DACH2: variants seen among roughly 807,000 people sequenced by gnomAD.
The protein encoded by DACH2 is dachshund homolog 2.
Under a neutral mutation model 35.8 loss-of-function variants are expected in DACH2, and 17 were observed. That is an observed-to-expected ratio of 0.48 (90% CI 0.33 to 0.71). DACH2 has a LOEUF of 0.71. DACH2 is among the 30% of genes least tolerant of loss of function. The probability of loss-of-function intolerance (pLI) is 0.02; values close to 1 mark genes in which losing one functional copy is unlikely to be tolerated. For missense variants in DACH2, 469 were observed against 472.7 expected (o/e 0.99, Z 0.07); for synonymous variants, 195 against 177.3 (o/e 1.10, Z -0.79).
At chrX:86,230,187 G>T (rs1045294269) in intron 1 of DACH2, among the ~76,000 whole-genome samples, 2 of 110,981 alleles carry the variant, frequency 1.8e-5, no homozygotes, top group East Asian at 5.7e-4. Flanking sequence ...GCTGGATTTT[G>T]TCGAATGCTT....
intron 1 of DACH2, among the ~76,000 whole-genome samples, chrX:86,369,614 A>G: frequency 9.0e-6 from 1 of 111,614 alleles, no homozygotes; most frequent in Non-Finnish European, 1.9e-5. Context: ...TGCTTACAGA[A>G]CTGCTTTTCA....
chrX:86,815,533 A>T (rs1018688711), intron 10 of DACH2, among the ~76,000 whole-genome samples: 1 of 108,789 alleles, frequency 9.2e-6, no homozygotes, highest in Non-Finnish European at 1.9e-5. Context: ...CTACATGAAG[A>T]CCACAAACCA....
chrX:86,506,132 G>C (rs1475487678), intron 2 of DACH2, among the ~76,000 whole-genome samples: 2 of 111,658 alleles, frequency 1.8e-5, no homozygotes, highest in Non-Finnish European at 3.8e-5. Flanking sequence ...TTCTTCTAGG[G>C]TCTTACAAGG....
chrX:86,730,023 T>TA (rs758624132), intron 6 of DACH2, among the ~76,000 whole-genome samples: 54 of 106,111 alleles, frequency 5.1e-4, no homozygotes, highest in African/African-American at 1.2e-3. Flanking sequence ...TCCCTGGGGT[T>TA]AAAAAAAAAA....
chrX:86,419,480 T>A (rs771976920), intron 2 of DACH2, among the ~76,000 whole-genome samples: 1 of 111,606 alleles, frequency 9.0e-6, no homozygotes, highest in East Asian at 2.9e-4. Context: ...TCTCCATTTT[T>A]AAAACCATCA....
At chrX:86,586,530 G>T (rs1436752656) in intron 3 of DACH2, among the ~76,000 whole-genome samples, 2 of 110,995 alleles carry the variant, frequency 1.8e-5, no homozygotes, top group Admixed American at 9.6e-5. Flanking sequence ...TGTCTTTCAG[G>T]GTTTTTACAT....
At chrX:86,231,767 C>T (rs1053025716) in intron 1 of DACH2, among the ~76,000 whole-genome samples, 5 of 112,291 alleles carry the variant, frequency 4.5e-5, no homozygotes, top group Admixed American at 9.4e-5. Context: ...CTTTTCATCC[C>T]GCTCAAATTG....
chrX:86,262,670 C>T (rs1279947813), intron 1 of DACH2, among the ~76,000 whole-genome samples: 3 of 110,609 alleles, frequency 2.7e-5, no homozygotes, highest in Non-Finnish European at 5.7e-5. Flanking sequence ...CATTGTATAC[C>T]GCCTCTGACA....
chrX:86,684,919 G>T (rs2040923517), intron 4 of DACH2, among the ~76,000 whole-genome samples: 1 of 111,299 alleles, frequency 9.0e-6, no homozygotes, highest in Non-Finnish European at 1.9e-5. Flanking sequence ...AAATTAAATA[G>T]AAATAATTAA....
At chrX:86,391,411 T>C (rs1457884696) in intron 2 of DACH2, among the ~76,000 whole-genome samples, 1 of 107,732 alleles carries the variant, frequency 9.3e-6, no homozygotes, top group Non-Finnish European at 1.9e-5. Flanking sequence ...GGAATTGTAC[T>C]ATAATTTATA....
intron 2 of DACH2, among the ~76,000 whole-genome samples, chrX:86,442,780 G>T (rs769140752): frequency 9.0e-6 from 1 of 111,481 alleles, no homozygotes; most frequent in Non-Finnish European, 1.9e-5. Context: ...TGGATATCCA[G>T]CTTTCTCAGC....
Position 86,551,871 on chromosome X carries a change from A to G in DACH2, c.640+37480A>G, listed in dbSNP as rs763487726. 3.6e-5 allele frequency among the ~76,000 whole-genome samples: 4 copies of G among 111,844 alleles called. No homozygotes were observed. In the South Asian group the frequency reaches 1.1e-3, roughly 31 times the overall value. ...TGGAACTTTGAAGCTTTCAATGTAT[A>G]CAAGTGTGGTTCTAAGTGTTTCTTG... is the stretch of plus-strand genomic sequence containing the variant. On this transcript the variant is annotated intron_variant, in intron 3 of 11. Transcript: ENST00000373125.
chrX:86,794,256 T>C (rs1410666043), intron 7 of DACH2, among the ~76,000 whole-genome samples: 1 of 110,795 alleles, frequency 9.0e-6, no homozygotes, highest in Non-Finnish European at 1.9e-5. Context: ...GAACAGGGTA[T>C]ACAGCTTTGA....
intron 1 of DACH2, among the ~76,000 whole-genome samples, chrX:86,298,562 G>A (rs1004298188): frequency 6.3e-5 from 7 of 111,334 alleles, no homozygotes; most frequent in Non-Finnish European, 1.3e-4. Context: ...GCTTACTTAG[G>A]TTTTTAGTTT....
In DACH2 at chrX:86,154,738, T is replaced by C. The variant is rs972460709; in HGVS notation, c.488+5630T>C. On this transcript the variant is annotated intron_variant, in intron 1 of 11. Coordinates refer to ENST00000373125, the MANE Select transcript of DACH2 (RefSeq NM_053281.3). ...ATCTGAATGAATCACTTCAGATGGA[T>C]TCTCTGCTCGGTTTGATGTCTAGAT... 8.1e-5 allele frequency among the ~76,000 whole-genome samples: 9 copies of C among 111,732 alleles called. No individual in the cohort carries two copies. The East Asian group carries it at 2.5e-3, about 31-fold the overall frequency.
intron 4 of DACH2, among the ~76,000 whole-genome samples, chrX:86,677,700 T>TTA (rs770710709): frequency 3.2e-3 from 360 of 112,194 alleles, no homozygotes; most frequent in South Asian, 0.019. Flanking sequence ...ATTCTCAAGT[T>TTA]TTATAAAGTA....
At chrX:86,431,243 G>T (rs946720375) in intron 2 of DACH2, among the ~76,000 whole-genome samples, 4 of 111,521 alleles carry the variant, frequency 3.6e-5, no homozygotes, top group African/African-American at 1.3e-4. Context: ...CATAAATTTT[G>T]TGAGCCTGGG....
chrX:86,270,863 C>A (rs2033803306), intron 1 of DACH2, among the ~76,000 whole-genome samples: 1 of 111,657 alleles, frequency 9.0e-6, no homozygotes, highest in Non-Finnish European at 1.9e-5. Context: ...ATATTCTTTT[C>A]TGGCTACTTG....
At chrX:86,450,969 G>A (rs2037367181) in intron 2 of DACH2, among the ~76,000 whole-genome samples, 1 of 111,066 alleles carries the variant, frequency 9.0e-6, no homozygotes, top group Non-Finnish European at 1.9e-5. Context: ...CTGGATATTA[G>A]ACCTTTGTCA....
Sources: gnomAD v4.1 joint callset for allele counts (sites outside exome capture counted in the v4.1 genomes callset) on GRCh38, gnomAD v4.1.1 for gene constraint, MANE v1.5 for transcripts, NCBI Gene and HGNC (gene_info 2026-07-23, HGNC 2026-07-21) for gene names.